Variants in KCNH7 observed in about 807,000 individuals in gnomAD.
The protein encoded by KCNH7 is potassium voltage-gated channel subfamily H member 7, also known as voltage-gated inwardly rectifying potassium channel KCNH7.
A neutral mutation model predicts 120.8 loss-of-function variants in KCNH7; 49 were observed. The observed-to-expected ratio is 0.41, with a 90% confidence interval of 0.32 to 0.51. The LOEUF (loss-of-function observed/expected upper bound fraction) is 0.51. KCNH7 is among the 20% of genes least tolerant of loss of function. KCNH7 has a pLI of 0.38. For missense variants in KCNH7, 1,097 were observed against 1,446.6 expected, an observed-to-expected ratio of 0.76 and a Z score of 3.92; for synonymous variants, 547 against 516.1, an observed-to-expected ratio of 1.06 and a Z score of -0.81.
At chr2:162,440,466 T>G (rs1349345718) in intron 7 of KCNH7, among the ~76,000 whole-genome samples, 1 of 152,088 alleles carries the variant, frequency 6.6e-6, no homozygotes, top group Non-Finnish European at 1.5e-5. Context: ...GTTCTGGTAT[T>G]TATATACATC....
rs745870661 is a variant in KCNH7 at position 162,373,642 on chromosome 2, G to C, written c.3152C>G (p.Thr1051Ser). The C allele has an allele frequency of 3.7e-5, 57 of 1,525,190 alleles. No individual in the cohort carries two copies. Among genetic ancestry groups the C allele is most frequent in the Non-Finnish European group, 4.6e-5 (52 of 1,134,146 alleles). 94.5% of individuals were successfully genotyped at this position (1,525,190 alleles called of 1,614,324 possible). Residue 1051 changes from threonine (T) to serine (S), a missense_variant, in exon 15 of 16, where the codon ACT becomes AGT. Coordinates refer to ENST00000332142, the MANE Select transcript of KCNH7 (RefSeq NM_033272.4). ...CAACTGTAAGATGGTCTGGATGTCA[G>C]TGGTCATTTGGGATTCAAGCCTACA... ...QLNRLESQMT[T>S]DIQTILQLLQ...
intron 2 of KCNH7, among the ~76,000 whole-genome samples, chr2:162,582,850 A>AT (rs1165939587): frequency 6.6e-6 from 1 of 152,032 alleles, no homozygotes; most frequent in African/African-American, 2.4e-5. Flanking sequence ...ATTAAACCTG[A>AT]TTTTTCTATG....
intron 6 of KCNH7, among the ~76,000 whole-genome samples, chr2:162,468,867 T>A (rs1224614834): frequency 1.3e-5 from 2 of 151,238 alleles, no homozygotes; most frequent in Admixed American, 6.6e-5. Context: ...TTTTTTTTTT[T>A]AAAGAAAGGA....
At position 162,379,900 on chromosome 2, in the gene KCNH7, G is replaced by A. The variant is rs758772785; in HGVS notation, c.3084C>T (p.Tyr1028=). 22 of 1,613,812 alleles carry A rather than the reference G, an allele frequency of 1.4e-5. No individual in the cohort carries two copies. The highest frequency in any genetic ancestry group is 4.0e-5 in the African/African-American group (3 of 74,892). ...GATCTAATCTTTGTTCCACTTCCCC[G>A]TAGGTGAGGTCGCTTTCGGTTTCAG... ...GISETESDLT[Y]GEVEQRLDLL... Residue 1028 remains tyrosine (Y), a synonymous_variant, in exon 14 of 16, where the codon TAC becomes TAT. Coordinates refer to ENST00000332142, the MANE Select transcript of KCNH7 (RefSeq NM_033272.4).
chr2:162,419,782 G>T (rs564427034), intron 9 of KCNH7, among the ~76,000 whole-genome samples: 1 of 152,074 alleles, frequency 6.6e-6, no homozygotes, highest in Non-Finnish European at 1.5e-5. Context: ...TTCAAGCCAG[G>T]CTCCTGTGTG....
At chr2:162,695,289 C>T (rs1686251198) in intron 2 of KCNH7, among the ~76,000 whole-genome samples, 1 of 152,034 alleles carries the variant, frequency 6.6e-6, no homozygotes, top group South Asian at 2.1e-4. Flanking sequence ...ATTTTTATGT[C>T]TCTACTCAAT....
intron 2 of KCNH7, among the ~76,000 whole-genome samples, chr2:162,743,332 T>G (rs1036990711): frequency 1.3e-5 from 2 of 152,006 alleles, no homozygotes; most frequent in African/African-American, 4.8e-5. Flanking sequence ...AAGAGCAATT[T>G]CTAAGTGGTA....
chr2:162,560,901 T>C (rs984723479), intron 2 of KCNH7, among the ~76,000 whole-genome samples: 2 of 152,226 alleles, frequency 1.3e-5, no homozygotes, highest in African/African-American at 4.8e-5. Context: ...GCTTCTTCCA[T>C]AATTCACTCT....
chr2:162,707,493 A>G (rs1403302035), intron 2 of KCNH7, among the ~76,000 whole-genome samples: 1 of 152,252 alleles, frequency 6.6e-6, no homozygotes, highest in Non-Finnish European at 1.5e-5. Context: ...GAAATGCTTC[A>G]TTTTTAATGT....
chr2:162,696,495 T>C (rs1370491303), intron 2 of KCNH7, among the ~76,000 whole-genome samples: 2 of 152,074 alleles, frequency 1.3e-5, no homozygotes, highest in Non-Finnish European at 2.9e-5. Context: ...CTGATATGAA[T>C]TGGGTAGAAA....
chr2:162,584,900 G>C (rs1216332382), intron 2 of KCNH7, among the ~76,000 whole-genome samples: 4 of 137,050 alleles, frequency 2.9e-5, no homozygotes, highest in Admixed American at 1.4e-4. Context: ...TCAATCCCCA[G>C]CTTTTTTTTT....
At chr2:162,675,224 A>C (rs1574251844) in intron 2 of KCNH7, among the ~76,000 whole-genome samples, 1 of 151,542 alleles carries the variant, frequency 6.6e-6, no homozygotes, top group East Asian at 1.9e-4. Context: ...AGAGATGATC[A>C]GCACAATTAT....
chr2:162,378,980 A>C (rs1368844125), intron 14 of KCNH7, among the ~76,000 whole-genome samples: 1 of 152,216 alleles, frequency 6.6e-6, no homozygotes, highest in East Asian at 1.9e-4. Context: ...TGTGTAAGTC[A>C]GAATTGGGGT....
intron 6 of KCNH7, among the ~76,000 whole-genome samples, chr2:162,476,246 T>G (rs1333756634): frequency 1.3e-5 from 2 of 152,158 alleles, no homozygotes; most frequent in African/African-American, 4.8e-5. Context: ...ACACTGAAAC[T>G]TTATATAGAG....
chr2:162,479,530 C>A (rs1574008866), intron 6 of KCNH7, among the ~76,000 whole-genome samples: 1 of 152,120 alleles, frequency 6.6e-6, no homozygotes, highest in East Asian at 1.9e-4. Context: ...TATTTTGGTT[C>A]TTGTTTATTT....
At chr2:162,377,648 A>G (rs906004266) in intron 14 of KCNH7, among the ~76,000 whole-genome samples, 5 of 152,124 alleles carry the variant, frequency 3.3e-5, no homozygotes, top group African/African-American at 1.2e-4. Context: ...TGGATCTTAT[A>G]GAGTCTTTGT....
chr2:162,564,148 G>A (rs1450126925), intron 2 of KCNH7, among the ~76,000 whole-genome samples: 1 of 151,970 alleles, frequency 6.6e-6, no homozygotes, highest in Non-Finnish European at 1.5e-5. Context: ...TTAAGTCACT[G>A]AATATGTTGC....
At chr2:162,822,674 CTATT>C (rs1685156596) in intron 2 of KCNH7, among the ~76,000 whole-genome samples, 1 of 152,140 alleles carries the variant, frequency 6.6e-6, no homozygotes, top group Non-Finnish European at 1.5e-5. Context: ...TTTAAAGAAA[CTATT>C]TATTGAGCAG....
chr2:162,423,669 G>T, intron 8 of KCNH7, 134 bp from the exon 9 acceptor site: 3 of 772,630 alleles, frequency 3.9e-6, no homozygotes, highest in Admixed American at 2.9e-5. Flanking sequence ...GGGAAAAAAA[G>T]AAGTTAAACT....
Sources: gnomAD v4.1 joint callset for allele counts (sites outside exome capture counted in the v4.1 genomes callset) on GRCh38, gnomAD v4.1.1 for gene constraint, MANE v1.5 for transcripts, NCBI Gene and HGNC (gene_info 2026-07-23, HGNC 2026-07-21) for gene names.